TNN: variants seen among roughly 807,000 people sequenced by gnomAD.
TNN encodes tenascin-N.
TNN carries 122 observed loss-of-function variants against 134.4 expected under a neutral mutation model. The observed-to-expected ratio is 0.91, with a 90% CI of 0.78 to 1.06. The LOEUF is 1.06. Among genes scored for constraint, TNN ranks in the 50% least tolerant of loss-of-function variants. The pLI, the probability that TNN is intolerant of heterozygous loss-of-function variation, is 0.00. For synonymous variants in TNN, 710 were observed against 670.3 expected, an observed-to-expected ratio of 1.06 and a Z score of -0.91; for missense variants, 1,739 against 1,699.4, an observed-to-expected ratio of 1.02 and a Z score of -0.41.
At chr1:175,137,652 A>G (rs1359034251) in intron 17 of TNN, among the ~76,000 whole-genome samples, 2 of 152,230 alleles carry the variant, frequency 1.3e-5, no homozygotes, top group African/African-American at 2.4e-5. Context: ...CCAGTAAATT[A>G]AATACATTAT....
chr1:175,126,317 G>T (rs143076969), intron 12 of TNN, among the ~76,000 whole-genome samples: 7 of 152,060 alleles, frequency 4.6e-5, no homozygotes, highest in Non-Finnish European at 1.5e-5. Context: ...GGCCAGGCTG[G>T]TGTCGAACTC....
chr1:175,124,964 T>C (rs1425105446), intron 12 of TNN, among the ~76,000 whole-genome samples: 1 of 152,208 alleles, frequency 6.6e-6, no homozygotes, highest in Non-Finnish European at 1.5e-5. Context: ...TGAAAGTAAC[T>C]AAGACAGACA....
intron 9 of TNN, among the ~76,000 whole-genome samples, chr1:175,107,976 G>A (rs1674901878): frequency 7.2e-6 from 1 of 139,074 alleles, no homozygotes; most frequent in East Asian, 2.1e-4. Flanking sequence ...CCCCGCCAGA[G>A]CAGCTAGATA....
At chr1:175,088,294 A>G (rs1352698951) in intron 6 of TNN, among the ~76,000 whole-genome samples, 2 of 151,996 alleles carry the variant, frequency 1.3e-5, no homozygotes, top group African/African-American at 4.8e-5. Flanking sequence ...GCACCCCTCA[A>G]CCCCTTACAG....
At chr1:175,132,002 G>A (rs1261664135) in intron 15 of TNN, among the ~76,000 whole-genome samples, 2 of 151,306 alleles carry the variant, frequency 1.3e-5, no homozygotes, top group Non-Finnish European at 2.9e-5. Flanking sequence ...TTCACTGATA[G>A]GAGATAGAGA....
At chr1:175,071,526 G>T (rs1265378563) in intron 1 of TNN, among the ~76,000 whole-genome samples, 1 of 152,228 alleles carries the variant, frequency 6.6e-6, no homozygotes, top group East Asian at 1.9e-4. Flanking sequence ...GTCCCCAGTG[G>T]ATCATCCTTG....
At chr1:175,125,755 T>TTCTC (rs1277752415) in intron 12 of TNN, among the ~76,000 whole-genome samples, 3 of 95,250 alleles carry the variant, frequency 3.1e-5, no homozygotes, top group African/African-American at 1.2e-4. Flanking sequence ...CTTTCTTTCT[T>TTCTC]TCTCTCTCTC....
intron 17 of TNN, among the ~76,000 whole-genome samples, chr1:175,139,396 T>C (rs1675893357): frequency 6.6e-6 from 1 of 152,226 alleles, no homozygotes; most frequent in African/African-American, 2.4e-5. Flanking sequence ...TATTTTTTAC[T>C]TTTTAAACCT....
At chr1:175,077,312 A>G in intron 1 of TNN, 72 bp from the exon 2 acceptor site, 1 of 1,199,300 alleles carries the variant, frequency 8.3e-7, no homozygotes, top group Non-Finnish European at 1.2e-6. Flanking sequence ...GGCTCTTAGA[A>G]TCTGGTAAAA....
At chr1:175,097,905 C>A (rs1466164420) in intron 8 of TNN, among the ~76,000 whole-genome samples, 1 of 152,154 alleles carries the variant, frequency 6.6e-6, no homozygotes, top group Non-Finnish European at 1.5e-5. Context: ...GAAGTAAAGT[C>A]TTATAGTAAC....
chr1:175,115,477 G>T (rs1574162844), intron 9 of TNN, among the ~76,000 whole-genome samples: 1 of 152,186 alleles, frequency 6.6e-6, no homozygotes, highest in East Asian at 1.9e-4. Context: ...AGTGGGTAGG[G>T]GAGGGGGATG....
chr1:175,128,687 G>A lies in TNN; in HGVS notation c.3271G>A (p.Asp1091Asn), dbSNP rs1412346099. ...TCTGTACACCATCTACCTGCATGGC[G>A]ATGCCAGCCGGCCCCTGCAGGTGTA... ...SGLYTIYLHG[D>N]ASRPLQVYCD... The change falls in exon 15 of 19, where the codon GAT becomes AAT. Residue 1091 changes from aspartate (D) to asparagine (N), a missense_variant. Physicochemically the swap from Asp to Asn is conservative, Grantham distance 23 (BLOSUM62 1). Coordinates refer to ENST00000239462, the MANE Select transcript of TNN (RefSeq NM_022093.2). 3.7e-6 allele frequency: 6 copies of A among 1,613,930 alleles called. No homozygotes were observed. The highest frequency in any genetic ancestry group is 2.2e-5 in the South Asian group (2 of 91,066).
Position 175,144,462 on chromosome 1 carries a change from G to T in TNN, c.3671G>T (p.Cys1224Phe). Reference sequence around the variant, plus strand: ...GACAATGATATCGCACTCAGCAACTGTGCCCTGACACATCATGGTGGCTGG... The same window carrying T: ...GACAATGATATCGCACTCAGCAACTTTGCCCTGACACATCATGGTGGCTGG... Reference protein sequence around the residue: ...DRDNDIALSNCALTHHGGWWY... With the variant: ...DRDNDIALSNFALTHHGGWWY... The change falls in exon 18 of 19, where the codon TGT becomes TTT. Residue 1224 changes from cysteine to phenylalanine, a missense_variant. Transcript: ENST00000239462. 1.2e-6 allele frequency: 2 copies of T among 1,614,228 alleles called. No individual in the cohort carries two copies. Among genetic ancestry groups the T allele is most frequent in the South Asian group, 2.2e-5 (2 of 91,084 alleles).
chr1:175,077,258 G>A, intron 1 of TNN, 126 bp from the exon 2 acceptor site: 1 of 754,550 alleles, frequency 1.3e-6, no homozygotes, highest in Non-Finnish European at 2.2e-6. Context: ...GGATCCTTGG[G>A]AGAAATAGAA....
At chr1:175,081,734 C>T (rs1190048702) in intron 4 of TNN, among the ~76,000 whole-genome samples, 1 of 152,198 alleles carries the variant, frequency 6.6e-6, no homozygotes, top group Non-Finnish European at 1.5e-5. Context: ...TGACTGCACA[C>T]TATGGGGGAC....
intron 9 of TNN, among the ~76,000 whole-genome samples, chr1:175,109,787 G>A (rs1674974554): frequency 2.0e-5 from 3 of 151,244 alleles, no homozygotes; most frequent in Admixed American, 2.0e-4. Context: ...CAGTATTTTG[G>A]TTATTATGAA....
At position 175,079,025 on chromosome 1, in the gene TNN, C is replaced by T. The variant is rs538423156; in HGVS notation, c.410-308C>T. 3.3e-5 allele frequency among the ~76,000 whole-genome samples: 5 copies of T among 152,146 alleles called. No individual in the cohort carries two copies. The South Asian group carries it at 1.0e-3, about 32-fold the overall frequency. On this transcript the variant is annotated intron_variant, in intron 2 of 18. Transcript: ENST00000239462. ...GACCACCAGGTAGAGAGGAAGGAACCGGGGAATTCACACGGGAAGGGAAAG... is the reference window on the plus strand; with the variant it reads ...GACCACCAGGTAGAGAGGAAGGAACTGGGGAATTCACACGGGAAGGGAAAG...
chr1:175,073,145 C>T (rs1288700533), intron 1 of TNN, among the ~76,000 whole-genome samples: 2 of 151,946 alleles, frequency 1.3e-5, no homozygotes, highest in East Asian at 1.9e-4. Context: ...GATCAATATG[C>T]GTTGTTACTG....
chr1:175,110,442 T>C (rs1674990697), intron 9 of TNN, among the ~76,000 whole-genome samples: 1 of 152,254 alleles, frequency 6.6e-6, no homozygotes, highest in South Asian at 2.1e-4. Flanking sequence ...AATATCTGCC[T>C]AGACCAATGT....
Sources: gnomAD v4.1 joint callset for allele counts (sites outside exome capture counted in the v4.1 genomes callset) on GRCh38, gnomAD v4.1.1 for gene constraint, MANE v1.5 for transcripts, NCBI Gene and HGNC (gene_info 2026-07-23, HGNC 2026-07-21) for gene names.